CYP4F3: variants seen among roughly 807,000 people sequenced by gnomAD.
The protein encoded by CYP4F3 is cytochrome P450 4F3.
Under a neutral mutation model 54.8 loss-of-function variants are expected in CYP4F3, and 50 were observed. The ratio of observed to expected loss-of-function variants is 0.91; its 90% CI spans 0.73 to 1.16. The LOEUF is 1.16. CYP4F3 is among the 50% of genes most tolerant of loss of function. The pLI, the probability that CYP4F3 is intolerant of heterozygous loss-of-function variation, is 0.00. For synonymous variants in CYP4F3, 244 were observed against 262.6 expected (o/e 0.93, Z 0.69); for missense variants, 715 against 676.2 (o/e 1.06, Z -0.64).
In CYP4F3 at chr19:15,661,278, CAAAACAAAACAAAACAAAACA is replaced by C. The variant is rs1041535515; in HGVS notation, c.*1918_*1938del. ...GCGAGACTCGGTCTCAAAAACAAAA[CAAAACAAAACAAAACAAAACA>C]AAAACAAAACAAAACAAAACAAAAC... On this transcript the variant is annotated 3_prime_UTR_variant, in exon 13 of 13. Transcript: ENST00000221307. 2 of 150,844 alleles carry C rather than the reference CAAAACAAAACAAAACAAAACA, an allele frequency of 1.3e-5. No homozygotes were observed. The highest frequency in any genetic ancestry group is 1.9e-4 in the East Asian group (1 of 5,136). 9.3% of individuals were successfully genotyped at this position (150,844 alleles called of 1,614,324 possible).
At chr19:15,652,532 T>TG (rs1972885951) in intron 7 of CYP4F3, 37 bp from the exon 8 acceptor site, 1 of 1,224,290 alleles carries the variant, frequency 8.2e-7, no homozygotes, top group African/African-American at 3.6e-5. Flanking sequence ...TGACTTTTTA[T>TG]GGGGGTGGGG....
chr19:15,661,588 AT>A lies in CYP4F3; in HGVS notation c.*2205del, dbSNP rs1314376854. 1 of 152,178 alleles carries A rather than the reference AT, an allele frequency of 6.6e-6. No individual in the cohort carries two copies. The highest frequency in any genetic ancestry group is 1.5e-5 in the Non-Finnish European group (1 of 68,042). The allele number at this position is 152,178 out of a possible 1,614,324, so 9.4% of individuals were successfully genotyped here. On this transcript the variant is annotated 3_prime_UTR_variant, in exon 13 of 13. Transcript: ENST00000221307. ...GAAGTGTCTGTTCAATCATCTGCTCATTAAATTTTCCTTCGGTTGTTTGCCT... is the reference window on the plus strand; with the variant it reads ...GAAGTGTCTGTTCAATCATCTGCTCATAAATTTTCCTTCGGTTGTTTGCCT...
At chr19:15,653,205 A>C (rs1404918571) in intron 9 of CYP4F3, among the ~76,000 whole-genome samples, 1 of 152,142 alleles carries the variant, frequency 6.6e-6, no homozygotes, top group Admixed American at 6.5e-5. Flanking sequence ...GCCACTTAGC[A>C]TGTGTTCAGC....
chr19:15,659,272 C>T lies in CYP4F3; in HGVS notation c.1450C>T (p.Leu484Phe), dbSNP rs1347188123. ...GGCGGAGATGAAGGTGGTCCTGGGG[C>T]TCACGCTGCTGCGCTTCCGCGTCCT... ...AMAEMKVVLG[L>F]TLLRFRVLPD... is the part of the protein sequence containing the mutation. Residue 484 changes from leucine (L) to phenylalanine (F), a missense_variant, in exon 13 of 13, where the codon CTC becomes TTC. By Grantham distance (22) the Leu-to-Phe change is conservative (BLOSUM62 0). Transcript: ENST00000221307. 1.2e-6 allele frequency: 2 copies of T among 1,613,284 alleles called. No individual in the cohort carries two copies. The highest frequency in any genetic ancestry group is 4.5e-5 in the East Asian group (2 of 44,846).
At chr19:15,655,507 C>T (rs778329528) in intron 9 of CYP4F3, among the ~76,000 whole-genome samples, 19 of 152,112 alleles carry the variant, frequency 1.2e-4, no homozygotes, top group Admixed American at 4.6e-4. Context: ...AAAAAATGGT[C>T]GAAAGACTTT....
At chr19:15,654,723 T>C (rs980091908) in intron 9 of CYP4F3, among the ~76,000 whole-genome samples, 13 of 152,254 alleles carry the variant, frequency 8.5e-5, no homozygotes, top group African/African-American at 3.1e-4. Context: ...TTCCATTGTG[T>C]ATACACACTA....
In CYP4F3 at chr19:15,659,703, T is replaced by G. The variant is rs1973140964; in HGVS notation, c.*318T>G. The G allele has an allele frequency of 5.9e-6, 2 of 339,160 alleles. No individual in the cohort carries two copies. Among genetic ancestry groups the G allele is most frequent in the African/African-American group, 4.3e-5 (2 of 46,752 alleles). The allele number at this position is 339,160 out of a possible 1,614,324, so 21.0% of individuals were successfully genotyped here. On this transcript the variant is annotated 3_prime_UTR_variant, in exon 13 of 13. Transcript: ENST00000221307. ...AATGAAGCAGTGATCCCCACTACAC[T>G]GTGGATGAACCTTGAATGCATGATA...
chr19:15,646,093 T>G (rs1352177940), intron 3 of CYP4F3, among the ~76,000 whole-genome samples: 3 of 152,212 alleles, frequency 2.0e-5, no homozygotes, highest in Non-Finnish European at 4.4e-5. Context: ...TGGTCAAGTC[T>G]GCTGTACGGC....
At chr19:15,641,160 G>T (rs187406779) in intron 1 of CYP4F3, 12 of 496,868 alleles carry the variant, frequency 2.4e-5, no homozygotes, top group African/African-American at 2.3e-4. Context: ...TTCAGGCTGG[G>T]CCTTTCTGGA....
intron 6 of CYP4F3, 98 bp from the exon 7 acceptor site, chr19:15,649,815 T>C (rs1396295849): frequency 6.6e-7 from 1 of 1,521,694 alleles, no homozygotes; most frequent in East Asian, 2.3e-5. Flanking sequence ...GGATACCCCG[T>C]TTACTGATAG....
Position 15,641,541 on chromosome 19 carries a change from T to G in CYP4F3, c.126T>G (p.Tyr42Ter). ...ARILAWTYTFYDNCCRLRCFP... is the reference protein window; with the variant it reads ...ARILAWTYTF ...TCCTGGCCTGGACCTATACCTTCTA[T>G]GACAACTGCTGCCGCCTCCGGTGTT... The change falls in exon 2 of 13, where the codon TAT becomes TAG. Residue 42 changes from tyrosine to a stop codon, truncating the protein, a stop_gained. Transcript: ENST00000221307. LOFTEE classifies it high-confidence loss of function. The G allele has an allele frequency of 2.5e-6, 4 of 1,614,172 alleles. No homozygotes were observed. The highest frequency in any genetic ancestry group is 3.4e-6 in the Non-Finnish European group (4 of 1,180,030).
intron 5 of CYP4F3, 73 bp downstream of exon 5, chr19:15,647,397 A>G: frequency 1.3e-6 from 2 of 1,596,180 alleles, no homozygotes; most frequent in Non-Finnish European, 1.7e-6. Flanking sequence ...CTAGTCTGGA[A>G]TTTTGGCTCT....
At chr19:15,641,692 A>C in intron 2 of CYP4F3, 79 bp downstream of exon 2, 1 of 416,586 alleles carries the variant, frequency 2.4e-6, no homozygotes, top group Non-Finnish European at 4.6e-6. Context: ...CTCAGGTGAG[A>C]GGGGGTGGGC....
chr19:15,641,180 G>A (rs936572249), intron 1 of CYP4F3: 5 of 545,752 alleles, frequency 9.2e-6, no homozygotes, highest in African/African-American at 1.9e-5. Flanking sequence ...ACTTTAATCA[G>A]TTTCTCTGTC....
At chr19:15,645,200 G>A (rs1176415040) in intron 2 of CYP4F3, among the ~76,000 whole-genome samples, 2 of 152,158 alleles carry the variant, frequency 1.3e-5, no homozygotes, top group East Asian at 3.9e-4. Context: ...TTCCCCCAGA[G>A]TTCCCAGAAA....
At chr19:15,652,428 G>A in intron 7 of CYP4F3, 141 bp from the exon 8 acceptor site, 2 of 1,254,526 alleles carry the variant, frequency 1.6e-6, no homozygotes, top group Admixed American at 1.9e-5. Context: ...GACCAAGAAG[G>A]GTCTAGGAGA....
intron 2 of CYP4F3, among the ~76,000 whole-genome samples, chr19:15,641,911 C>T (rs1174253813): frequency 2.6e-5 from 4 of 152,112 alleles, no homozygotes; most frequent in African/African-American, 7.2e-5. Context: ...AGGTGAACCC[C>T]TGGCGTTCCC....
At position 15,658,400 on chromosome 19, in the gene CYP4F3, G is replaced by GC; in HGVS notation, c.1249+5dup. The GC allele has an allele frequency of 6.2e-7, 1 of 1,613,802 alleles. No homozygotes were observed. On this transcript the variant is annotated splice_donor_region_variant and intron_variant, in intron 10 of 12. Transcript: ENST00000221307. ...AGACGGCCGGGTCATCCCCAAAGGT[G>GC]CCACAGCCTCAGGGGGAGGAGCCTC...
rs1345033326 is a variant in CYP4F3, at chr19:15,659,573, A to G, written c.*188A>G. Reference sequence around the variant, plus strand: ...GAATGTTCATGGCAGCCCTATTCACAGTAGCCAAACGATGAAAACAACCCC... The same window carrying G: ...GAATGTTCATGGCAGCCCTATTCACGGTAGCCAAACGATGAAAACAACCCC... On this transcript the variant is annotated 3_prime_UTR_variant, in exon 13 of 13. Transcript: ENST00000221307. The G allele has an allele frequency of 4.3e-6, 5 of 1,155,962 alleles. No individual in the cohort carries two copies. The highest frequency in any genetic ancestry group is 1.8e-5 in the South Asian group (1 of 56,274). The allele number at this position is 1,155,962 out of a possible 1,614,324, so 71.6% of individuals were successfully genotyped here. A position where few individuals can be genotyped will look rare whatever the true frequency, so the allele number is the denominator to read the frequency against.
Sources: gnomAD v4.1 joint callset for allele counts (sites outside exome capture counted in the v4.1 genomes callset) on GRCh38, gnomAD v4.1.1 for gene constraint, MANE v1.5 for transcripts, NCBI Gene and HGNC (gene_info 2026-07-23, HGNC 2026-07-21) for gene names.